The following TRMT11 variants were observed in gnomAD, a reference collection of about 807,000 sequenced individuals.
TRMT11 encodes the protein tRNA (guanine(10)-N(2))-methyltransferase TRMT11.
A neutral mutation model predicts 62.8 loss-of-function variants in TRMT11; 53 were observed. The observed-to-expected ratio is 0.84, with a 90% CI of 0.68 to 1.06. TRMT11 has a LOEUF of 1.06. Among genes scored for constraint, TRMT11 ranks in the 50% least tolerant of loss-of-function variants. The pLI, the probability that TRMT11 is intolerant of heterozygous loss-of-function variation, is 0.00. For missense variants in TRMT11, 556 were observed against 553.4 expected (o/e 1.00, Z -0.05); for synonymous variants, 188 against 190.3 (o/e 0.99, Z 0.10).
At chr6:126,182,870 G>A (rs1255344210) in intron 1 of TRMT11, among the ~76,000 whole-genome samples, 1 of 152,042 alleles carries the variant, frequency 6.6e-6, no homozygotes, top group African/African-American at 2.4e-5. Context: ...TCTCTGCCCA[G>A]TCACTAGGTA....
chr6:126,184,844 G>A (rs1778509351), intron 1 of TRMT11, among the ~76,000 whole-genome samples: 1 of 152,138 alleles, frequency 6.6e-6, no homozygotes, highest in Admixed American at 6.6e-5. Flanking sequence ...TAGTAACTAG[G>A]GTTAAATGCA....
chr6:126,052,171 A>G (rs759960898), intron 16 of TRMT11, among the ~76,000 whole-genome samples: 7 of 152,154 alleles, frequency 4.6e-5, no homozygotes, highest in Non-Finnish European at 8.8e-5. Flanking sequence ...CTTCTGCCCA[A>G]ACTGGATGGG....
chr6:126,018,223 G>A (rs1407482155), intron 11 of TRMT11, among the ~76,000 whole-genome samples: 1 of 152,134 alleles, frequency 6.6e-6, no homozygotes, highest in African/African-American at 2.4e-5. Context: ...ATTGTAGTAA[G>A]GTGAACTTTG....
intron 21 of TRMT11, among the ~76,000 whole-genome samples, chr6:126,122,035 TC>T (rs1320283557): frequency 6.6e-6 from 1 of 152,092 alleles, no homozygotes; most frequent in East Asian, 1.9e-4. Flanking sequence ...AGGGAGGTTT[TC>T]CCATGCTGTT....
intron 12 of TRMT11, among the ~76,000 whole-genome samples, chr6:126,030,583 A>C (rs1345114136): frequency 6.6e-6 from 1 of 152,216 alleles, no homozygotes; most frequent in Non-Finnish European, 1.5e-5. Context: ...GTTTTCACTT[A>C]TCATAGAATA....
At chr6:126,099,525 C>T (rs1777374241) in intron 17 of TRMT11, among the ~76,000 whole-genome samples, 1 of 152,120 alleles carries the variant, frequency 6.6e-6, no homozygotes, top group African/African-American at 2.4e-5. Flanking sequence ...GATCCCTCTA[C>T]CTTCCGAGGT....
intron 17 of TRMT11, among the ~76,000 whole-genome samples, chr6:126,076,332 A>G (rs1254145584): frequency 1.3e-5 from 2 of 152,210 alleles, no homozygotes; most frequent in Non-Finnish European, 2.9e-5. Flanking sequence ...ATATCTGCCT[A>G]TGTGACAATA....
At chr6:126,243,588 G>A in the TRMT11 span, among the ~76,000 whole-genome samples, 1 of 152,160 alleles carries the variant, frequency 6.6e-6, no homozygotes, top group Non-Finnish European at 1.5e-5. Context: ...TATACACCAT[G>A]GAATACTATG....
the TRMT11 span, among the ~76,000 whole-genome samples, chr6:126,251,552 A>G: frequency 1.3e-5 from 2 of 152,156 alleles, no homozygotes; most frequent in Admixed American, 1.3e-4. Context: ...ACCATGTTGT[A>G]CAACATATCT....
chr6:126,126,807 T>C (rs926269371), intron 21 of TRMT11, among the ~76,000 whole-genome samples: 3 of 152,110 alleles, frequency 2.0e-5, no homozygotes, highest in Non-Finnish European at 4.4e-5. Flanking sequence ...TCAAATATCT[T>C]GTTAACCCTA....
intron 17 of TRMT11, among the ~76,000 whole-genome samples, chr6:126,080,739 G>A (rs1443352490): frequency 6.6e-6 from 1 of 152,128 alleles, no homozygotes; most frequent in East Asian, 1.9e-4. Flanking sequence ...TAAAACGGGA[G>A]CATTCAGTGT....
chr6:126,054,976 G>GT (rs1437870129), intron 17 of TRMT11, among the ~76,000 whole-genome samples: 3 of 152,130 alleles, frequency 2.0e-5, no homozygotes, highest in Non-Finnish European at 2.9e-5. Flanking sequence ...CATTTTTGTT[G>GT]TTTTTTGAGA....
chr6:126,106,148 GA>G (rs767187353), intron 17 of TRMT11, among the ~76,000 whole-genome samples: 64 of 149,274 alleles, frequency 4.3e-4, no homozygotes, highest in Non-Finnish European at 7.1e-4. Flanking sequence ...ATTCCAGTTG[GA>G]TTTTTTTTTT....
At chr6:126,213,629 A>T in the TRMT11 span, among the ~76,000 whole-genome samples, 1 of 152,026 alleles carries the variant, frequency 6.6e-6, no homozygotes, top group East Asian at 1.9e-4. Flanking sequence ...TTAAAAATCA[A>T]TTCTAATAGT....
the TRMT11 span, among the ~76,000 whole-genome samples, chr6:126,236,086 T>C: frequency 6.6e-6 from 1 of 152,212 alleles, no homozygotes; most frequent in Admixed American, 6.5e-5. Context: ...GACTTAACCA[T>C]TATACTCAGG....
chr6:126,023,476 C>G (rs1293581498), intron 12 of TRMT11, among the ~76,000 whole-genome samples: 2 of 152,084 alleles, frequency 1.3e-5, no homozygotes, highest in Non-Finnish European at 2.9e-5. Context: ...AGTGAAACCC[C>G]ATCTCTACTA....
At chr6:126,178,830 G>C (rs1161457302) in intron 1 of TRMT11, among the ~76,000 whole-genome samples, 2 of 152,076 alleles carry the variant, frequency 1.3e-5, no homozygotes, top group African/African-American at 4.8e-5. Flanking sequence ...TACATTATCA[G>C]TGTAAACATT....
chr6:126,267,595 A>T, the TRMT11 span, among the ~76,000 whole-genome samples: 3 of 152,210 alleles, frequency 2.0e-5, no homozygotes, highest in Admixed American at 2.0e-4. Context: ...TAAATTTACC[A>T]TAGTGAAAGA....
chr6:126,271,688 T>C, the TRMT11 span, among the ~76,000 whole-genome samples: 1 of 152,232 alleles, frequency 6.6e-6, no homozygotes, highest in African/African-American at 2.4e-5. Flanking sequence ...GGGCATTCAG[T>C]GACTGACACT....
Sources: gnomAD v4.1 joint callset for allele counts (sites outside exome capture counted in the v4.1 genomes callset) on GRCh38, gnomAD v4.1.1 for gene constraint, MANE v1.5 for transcripts, NCBI Gene and HGNC (gene_info 2026-07-23, HGNC 2026-07-21) for gene names.